Variants in PPM1L observed in about 807,000 individuals in gnomAD.
PPM1L encodes the protein protein phosphatase, Mg2+/Mn2+ dependent 1L.
In PPM1L, 13 loss-of-function variants were observed where a neutral mutation model predicts 31.4. The ratio of observed to expected loss-of-function variants is 0.41; its 90% CI spans 0.27 to 0.66. The LOEUF is 0.66. Among genes scored for constraint, PPM1L ranks in the 30% least tolerant of loss-of-function variants. The pLI is 0.29. For synonymous variants in PPM1L, 184 were observed against 175.4 expected, an observed-to-expected ratio of 1.05 and a Z score of -0.39; for missense variants, 326 against 453.7, an observed-to-expected ratio of 0.72 and a Z score of 2.56.
chr3:161,045,333 A>G (rs1001258808), intron 2 of PPM1L, among the ~76,000 whole-genome samples: 12 of 152,202 alleles, frequency 7.9e-5, no homozygotes, highest in African/African-American at 2.7e-4. Context: ...TCTCAGCACC[A>G]CATCGCACTT....
At chr3:160,764,902 T>C (rs1470816226) in intron 1 of PPM1L, among the ~76,000 whole-genome samples, 1 of 152,232 alleles carries the variant, frequency 6.6e-6, no homozygotes, top group Non-Finnish European at 1.5e-5. Context: ...CTTCTTACCA[T>C]TGTAAATACC....
At chr3:160,820,595 G>A (rs1713165010) in intron 1 of PPM1L, among the ~76,000 whole-genome samples, 1 of 152,018 alleles carries the variant, frequency 6.6e-6, no homozygotes, top group South Asian at 2.1e-4. Context: ...CGCTAAGATA[G>A]ATATTTATAG....
At chr3:160,861,349 G>A (rs1711883166) in intron 1 of PPM1L, among the ~76,000 whole-genome samples, 1 of 152,202 alleles carries the variant, frequency 6.6e-6, no homozygotes, top group South Asian at 2.1e-4. Flanking sequence ...TGAGAAAGCC[G>A]AGATGTTAGA....
chr3:160,851,356 A>G (rs761436825), intron 1 of PPM1L, among the ~76,000 whole-genome samples: 22 of 152,278 alleles, frequency 1.4e-4, no homozygotes, highest in Admixed American at 7.8e-4. Context: ...TTTCTTTGAA[A>G]AGTTGAGGGC....
chr3:160,895,412 C>G (rs957668955), intron 1 of PPM1L, among the ~76,000 whole-genome samples: 1 of 151,996 alleles, frequency 6.6e-6, no homozygotes, highest in African/African-American at 2.4e-5. Flanking sequence ...GAGACCAGGT[C>G]TTGCTATATT....
At chr3:160,858,545 A>C (rs888781067) in intron 1 of PPM1L, among the ~76,000 whole-genome samples, 2 of 152,220 alleles carry the variant, frequency 1.3e-5, no homozygotes, top group South Asian at 4.1e-4. Context: ...GTGAATCACA[A>C]TAAATCTTAT....
chr3:160,969,606 C>T (rs1385462857), intron 2 of PPM1L, among the ~76,000 whole-genome samples: 1 of 152,156 alleles, frequency 6.6e-6, no homozygotes, highest in African/African-American at 2.4e-5. Flanking sequence ...GTATATTTCT[C>T]AAACAGCTCC....
intron 1 of PPM1L, among the ~76,000 whole-genome samples, chr3:160,857,492 C>T (rs749179789): frequency 2.0e-5 from 3 of 152,050 alleles, no homozygotes; most frequent in Non-Finnish European, 2.9e-5. Context: ...AATGCAAAAA[C>T]AGTCCTTTTT....
intron 1 of PPM1L, among the ~76,000 whole-genome samples, chr3:160,854,926 CA>C (rs1204709467): frequency 3.4e-5 from 4 of 117,606 alleles, no homozygotes; most frequent in South Asian, 2.8e-4. Flanking sequence ...CAATCCTAAG[CA>C]AAAAAAAAAC....
chr3:161,012,873 T>C (rs1286717349), intron 2 of PPM1L, among the ~76,000 whole-genome samples: 1 of 152,186 alleles, frequency 6.6e-6, no homozygotes, highest in Non-Finnish European at 1.5e-5. Context: ...ATCCCCTTTA[T>C]CATTTTTTAT....
Position 161,073,627 on chromosome 3 carries a change from T to C in PPM1L, c.*4470T>C, listed in dbSNP as rs1720007416. ...CCCAGGCTGGAATGCCGTGGCGCAATGTCAGGTCACTGCAAGCTCCGCCTC... is the reference window on the plus strand; with the variant it reads ...CCCAGGCTGGAATGCCGTGGCGCAACGTCAGGTCACTGCAAGCTCCGCCTC... On this transcript the variant is annotated 3_prime_UTR_variant, in exon 4 of 4. Transcript: ENST00000498165. 1.3e-5 allele frequency: 2 copies of C among 151,878 alleles called. No individual in the cohort carries two copies. Among genetic ancestry groups the C allele is most frequent in the African/African-American group, 4.8e-5 (2 of 41,426 alleles). 9.4% of individuals were successfully genotyped at this position (151,878 alleles called of 1,614,324 possible).
At chr3:160,880,280 A>G (rs540493961) in intron 1 of PPM1L, among the ~76,000 whole-genome samples, 157 of 152,292 alleles carry the variant, frequency 1.0e-3, no homozygotes, top group Non-Finnish European at 1.8e-3. Flanking sequence ...GCCAAAAGCA[A>G]ATAGGAAACA....
At position 161,069,187 on chromosome 3, in the gene PPM1L, T is replaced by C; in HGVS notation, c.*30T>C. 6.6e-7 allele frequency: 1 copy of C among 1,510,382 alleles called. No individual in the cohort carries two copies. The allele number at this position is 1,510,382 out of a possible 1,614,324, so 93.6% of individuals were successfully genotyped here. ...TTCAGGGGTCTCAGCTGCCTTAGAC[T>C]AAAGGACTTTCAACACACTGGTCTC... On this transcript the variant is annotated 3_prime_UTR_variant, in exon 4 of 4. Coordinates refer to ENST00000498165, the MANE Select transcript of PPM1L (RefSeq NM_139245.4).
At chr3:161,048,643 C>A (rs575178412) in intron 2 of PPM1L, among the ~76,000 whole-genome samples, 1 of 151,966 alleles carries the variant, frequency 6.6e-6, no homozygotes, top group Non-Finnish European at 1.5e-5. Flanking sequence ...ATGTTTATTG[C>A]GGCATTATTC....
rs146058082 is a variant in PPM1L at position 160,857,236 on chromosome 3, T to C, written c.399+100529T>C. Among the ~76,000 whole-genome samples, 222 of 152,308 alleles carry C rather than the reference T, an allele frequency of 1.5e-3. 2 individuals carry two copies. The highest frequency in any genetic ancestry group is 4.8e-3 in the African/African-American group (201 of 41,564). ...TCTTTAAAATTCTGACAGTGTGGGCTTTGCAAATTATACCATCATAACTCT... is the reference window on the plus strand; with the variant it reads ...TCTTTAAAATTCTGACAGTGTGGGCCTTGCAAATTATACCATCATAACTCT... On this transcript the variant is annotated intron_variant, in intron 1 of 3. Coordinates refer to ENST00000498165, the MANE Select transcript of PPM1L (RefSeq NM_139245.4).
intron 1 of PPM1L, among the ~76,000 whole-genome samples, chr3:160,830,380 A>G (rs1369137982): frequency 6.6e-6 from 1 of 152,176 alleles, no homozygotes; most frequent in Non-Finnish European, 1.5e-5. Flanking sequence ...GTGAAAATGT[A>G]TTAGTAGCAG....
At chr3:161,053,414 G>T (rs1180071025) in intron 2 of PPM1L, among the ~76,000 whole-genome samples, 1 of 152,208 alleles carries the variant, frequency 6.6e-6, no homozygotes, top group South Asian at 2.1e-4. Flanking sequence ...CTAGGAAGCA[G>T]CTCTCTTTAA....
At chr3:160,877,988 C>T (rs1047173597) in intron 1 of PPM1L, among the ~76,000 whole-genome samples, 2 of 152,140 alleles carry the variant, frequency 1.3e-5, no homozygotes, top group African/African-American at 4.8e-5. Context: ...GTCAGCAGCT[C>T]GATTTTACAG....
intron 1 of PPM1L, among the ~76,000 whole-genome samples, chr3:160,923,035 T>C (rs1245594363): frequency 6.6e-6 from 1 of 152,142 alleles, no homozygotes; most frequent in Non-Finnish European, 1.5e-5. Context: ...TCAGCTGGAG[T>C]TGCTGTAGAA....
Sources: allele counts gnomAD v4.1 joint callset (sites outside exome capture counted in the v4.1 genomes callset), GRCh38; gene constraint gnomAD v4.1.1; transcripts MANE v1.5; gene names NCBI Gene and HGNC (gene_info 2026-07-23, HGNC 2026-07-21).